The following ZSCAN21 variants were observed in gnomAD, a reference collection of about 807,000 sequenced individuals.
ZSCAN21 encodes the protein zinc finger and SCAN domain containing 21.
A neutral mutation model predicts 35.6 loss-of-function variants in ZSCAN21; 26 were observed. That is an observed-to-expected ratio of 0.73 (90% confidence interval 0.54 to 1.01). The LOEUF (loss-of-function observed/expected upper bound fraction) is 1.01. Among genes scored for constraint, ZSCAN21 ranks in the 50% least tolerant of loss-of-function variants. The pLI, the probability that ZSCAN21 is intolerant of heterozygous loss-of-function variation, is 0.00. For synonymous variants in ZSCAN21, 219 were observed against 219.3 expected (o/e 1.00, Z 0.01); for missense variants, 593 against 587.1 (o/e 1.01, Z -0.10).
intron 1 of ZSCAN21, among the ~76,000 whole-genome samples, chr7:100,051,178 CAAAAAAAA>C (rs369246193): frequency 0.4 from 16,412 of 41,152 alleles, 2,533 homozygotes; most frequent in Middle Eastern, 0.6. Flanking sequence ...AACTACGTCT[CAAAAAAAA>C]AAAAAAAAAA....
intron 3 of ZSCAN21, among the ~76,000 whole-genome samples, chr7:100,058,520 G>A (rs1018583404): frequency 5.3e-5 from 8 of 152,314 alleles, no homozygotes; most frequent in South Asian, 2.1e-4. Context: ...GGCACAGGGC[G>A]GGTCAGAGAA....
At chr7:100,054,542 A>AC (rs1389061173) in intron 1 of ZSCAN21, among the ~76,000 whole-genome samples, 3 of 151,428 alleles carry the variant, frequency 2.0e-5, no homozygotes, top group African/African-American at 4.9e-5. Flanking sequence ...GAGTCACCGC[A>AC]CCCCGCCTTA....
chr7:100,057,584 G>A, intron 2 of ZSCAN21, 114 bp from the exon 3 acceptor site: 3 of 1,339,464 alleles, frequency 2.2e-6, no homozygotes, highest in African/African-American at 1.5e-5. Context: ...AATGGAATGG[G>A]ATGGGTGTTT....
At position 100,051,282 on chromosome 7, in the gene ZSCAN21, C is replaced by CTTTTTTTTTTTTTTTTTTTTTTTTT. The variant is rs1164734568; in HGVS notation, c.-97+1446_-97+1470dup. ...GGCTGCCTAGGGATCTAGGGATTTT[C>CTTTTTTTTTTTTTTTTTTTTTTTTT]TTTTTTTTTTTTTTTTTTTTTTTTT... On this transcript the variant is annotated intron_variant, in intron 1 of 3. Coordinates refer to ENST00000292450, the MANE Select transcript of ZSCAN21 (RefSeq NM_145914.3). 1.2e-3 allele frequency among the ~76,000 whole-genome samples: 41 copies of CTTTTTTTTTTTTTTTTTTTTTTTTT among 34,964 alleles called. 15 individuals carry two copies. Among genetic ancestry groups the CTTTTTTTTTTTTTTTTTTTTTTTTT allele is most frequent in the East Asian group, 4.1e-3 (4 of 980 alleles). The allele number at this position is 34,964 out of a possible 152,430, so 22.9% of individuals were successfully genotyped here. A position where few individuals can be genotyped will look rare whatever the true frequency, so the allele number is the denominator to read the frequency against.
intron 3 of ZSCAN21, among the ~76,000 whole-genome samples, chr7:100,061,051 G>A (rs1054985017): frequency 6.6e-6 from 1 of 152,016 alleles, no homozygotes; most frequent in Non-Finnish European, 1.5e-5. Flanking sequence ...GGGCGACAGA[G>A]TGAGACCGGG....
intron 3 of ZSCAN21, among the ~76,000 whole-genome samples, chr7:100,059,103 G>T (rs992443261): frequency 6.6e-6 from 1 of 152,212 alleles, no homozygotes; most frequent in Non-Finnish European, 1.5e-5. Context: ...CACTATTTAT[G>T]TGTGTGGTGT....
rs1267359398 is a variant in ZSCAN21, at chr7:100,064,613, C to T, written c.1418C>T (p.Pro473Leu). ...GTCCACACTGGAGAGGGAGAAGCAC[C>T]GTAACTTTCAAGCGCTCCTGTTGTT... ...QRVHTGEGEA[P>L] The change falls in exon 4 of 4, where the codon CCG (proline) becomes CTG (leucine). Residue 473 changes from proline to leucine, a missense_variant. Coordinates refer to ENST00000292450, the MANE Select transcript of ZSCAN21 (RefSeq NM_145914.3). The T allele has an allele frequency of 9.3e-6, 15 of 1,612,490 alleles. No individual in the cohort carries two copies. The highest frequency in any genetic ancestry group is 6.6e-5 in the South Asian group (6 of 90,866).
chr7:100,050,465 G>A (rs1259773241), intron 1 of ZSCAN21, among the ~76,000 whole-genome samples: 1 of 152,124 alleles, frequency 6.6e-6, no homozygotes, highest in African/African-American at 2.4e-5. Context: ...CCAGCAGTTC[G>A]GGAGGCCGAG....
intron 1 of ZSCAN21, 121 bp from the exon 2 acceptor site, chr7:100,056,790 T>C: frequency 2.1e-6 from 1 of 476,670 alleles, no homozygotes; most frequent in Admixed American, 3.7e-5. Flanking sequence ...TGAGCAGTTG[T>C]TTTTGTATGG....
Position 100,064,177 on chromosome 7 carries a change from TTGG to T in ZSCAN21, c.986_988del (p.Val329del). On this transcript the variant is annotated inframe_deletion, in exon 4 of 4. Coordinates refer to ENST00000292450, the MANE Select transcript of ZSCAN21 (RefSeq NM_145914.3). The stretch of plus-strand genomic sequence containing the variant: ...CCTCACCCTCCACTACAGAACACAC[TTGG>T]TGGACCGGCCCTATGACTGTAAGTG... 1.2e-6 allele frequency: 2 copies of T among 1,613,140 alleles called. No homozygotes were observed. Among genetic ancestry groups the T allele is most frequent in the Non-Finnish European group, 1.7e-6 (2 of 1,179,782 alleles).
In ZSCAN21 at chr7:100,064,217, T is replaced by C. The variant is rs535724457; in HGVS notation, c.1022T>C (p.Phe341Ser). The C allele has an allele frequency of 6.2e-7, 1 of 1,614,078 alleles. No individual in the cohort carries two copies. The highest frequency in any genetic ancestry group is 1.7e-5 in the Admixed American group (1 of 60,006). ...TATGACTGTAAGTGTGGAAAAGCTT[T>C]TGGGCAGAGCTCAGACCTTCTTAAA... ...RPYDCKCGKA[F>S]GQSSDLLKHQ... The change falls in exon 4 of 4, where the codon TTT becomes TCT. Residue 341 changes from phenylalanine to serine, a missense_variant. Phe to Ser is a radical substitution (Grantham distance 155). Transcript: ENST00000292450.
At chr7:100,057,666 G>A (rs1792127539) in intron 2 of ZSCAN21, 32 bp from the exon 3 acceptor site, 2 of 1,572,986 alleles carry the variant, frequency 1.3e-6, no homozygotes, top group African/African-American at 1.4e-5. Context: ...AGTGAGCCAT[G>A]CACAAACCTA....
At chr7:100,051,894 G>T (rs537402334) in intron 1 of ZSCAN21, among the ~76,000 whole-genome samples, 1 of 152,150 alleles carries the variant, frequency 6.6e-6, no homozygotes, top group Admixed American at 6.6e-5. Flanking sequence ...TGTAGACAAT[G>T]TGAGTTAGTA....
intron 1 of ZSCAN21, chr7:100,051,402 T>G (rs1205360788): frequency 7.0e-6 from 1 of 143,010 alleles, no homozygotes; most frequent in African/African-American, 2.6e-5. Flanking sequence ...CTAGCCATTC[T>G]CCTGCCTCAG....
intron 2 of ZSCAN21, 46 bp downstream of exon 2, chr7:100,057,451 C>T (rs766983458): frequency 5.4e-5 from 81 of 1,504,674 alleles, no homozygotes; most frequent in Non-Finnish European, 7.0e-5. Flanking sequence ...GGGAGCGTAA[C>T]ATTCTAGGCA....
At chr7:100,063,617 T>C (rs557316833) in intron 3 of ZSCAN21, among the ~76,000 whole-genome samples, 171 bp from the exon 4 acceptor site, 4 of 152,118 alleles carry the variant, frequency 2.6e-5, no homozygotes, top group Admixed American at 1.3e-4. Flanking sequence ...AAGTGCAGTA[T>C]TGTAAACTAG....
chr7:100,056,996 C>T lies in ZSCAN21; in HGVS notation c.-11C>T, dbSNP rs1792094959. The T allele has an allele frequency of 2.5e-6, 4 of 1,573,344 alleles. No homozygotes were observed. The East Asian group carries it at 6.8e-5, about 27-fold the overall frequency. ...AGTCCCATCTTTGGTGAGGCTGTTT[C>T]TGGAGTTTACATGATGACCAAGGTA... On this transcript the variant is annotated 5_prime_UTR_variant, in exon 2 of 4. Coordinates refer to ENST00000292450, the MANE Select transcript of ZSCAN21 (RefSeq NM_145914.3).
chr7:100,056,544 A>G (rs1792081452), intron 1 of ZSCAN21, among the ~76,000 whole-genome samples: 1 of 151,280 alleles, frequency 6.6e-6, no homozygotes, highest in African/African-American at 2.4e-5. Flanking sequence ...GGCTCATTGT[A>G]TCCTCTGCCT....
intron 3 of ZSCAN21, 101 bp from the exon 4 acceptor site, chr7:100,063,687 A>T: frequency 8.8e-7 from 1 of 1,140,388 alleles, no homozygotes. Context: ...GTCACCCTTC[A>T]GAAACCATCA....
Sources: gnomAD v4.1 joint callset for allele counts (sites outside exome capture counted in the v4.1 genomes callset) on GRCh38, gnomAD v4.1.1 for gene constraint, MANE v1.5 for transcripts, NCBI Gene and HGNC (gene_info 2026-07-23, HGNC 2026-07-21) for gene names.